Variants in IQCK observed in about 807,000 individuals in gnomAD.
IQCK encodes the protein IQ domain-containing protein K.
IQCK carries 29 observed loss-of-function variants against 28.1 expected under a neutral mutation model. That is an observed-to-expected ratio of 1.03 (90% CI 0.77 to 1.41). The LOEUF (loss-of-function observed/expected upper bound fraction) is 1.41. Among genes scored for constraint, IQCK ranks in the 40% most tolerant of loss-of-function variants. IQCK has a pLI of 0.00. For missense variants in IQCK, 359 were observed against 314.7 expected (o/e 1.14, Z -1.07); for synonymous variants, 113 against 115.1 (o/e 0.98, Z 0.12).
chr16:19,718,280 A>T, exon 1 of IQCK: 1 of 1,585,240 alleles, frequency 6.3e-7, no homozygotes, highest in South Asian at 1.1e-5. Context: ...CCTTCCGGCG[A>T]ACGCGGTTAC....
At chr16:19,777,893 A>C (rs1338599797) in intron 6 of IQCK, among the ~76,000 whole-genome samples, 1 of 152,150 alleles carries the variant, frequency 6.6e-6, no homozygotes, top group Non-Finnish European at 1.5e-5. Flanking sequence ...TCTACTAAAA[A>C]AATGCAAAAA....
chr16:19,779,022 G>A (rs2055437761), intron 6 of IQCK, among the ~76,000 whole-genome samples: 3 of 152,106 alleles, frequency 2.0e-5, no homozygotes, highest in Admixed American at 2.0e-4. Context: ...TCACTCTGTT[G>A]CCCAGGCTGG....
intron 7 of IQCK, 50 bp from the exon 8 acceptor site, chr16:19,826,976 T>C (rs1485417965): frequency 8.8e-7 from 1 of 1,132,096 alleles, no homozygotes; most frequent in Admixed American, 1.7e-5. Context: ...AATAAGCTAG[T>C]GTACAGAAGT....
chr16:19,838,332 A>G (rs1475142754), intron 9 of IQCK, among the ~76,000 whole-genome samples: 1 of 152,188 alleles, frequency 6.6e-6, no homozygotes, highest in African/African-American at 2.4e-5. Flanking sequence ...GGAGGCATGA[A>G]TTCGGTATTT....
intron 6 of IQCK, among the ~76,000 whole-genome samples, chr16:19,780,439 G>A (rs1407794882): frequency 1.3e-5 from 2 of 152,086 alleles, no homozygotes; most frequent in Non-Finnish European, 2.9e-5. Context: ...TCTAAGTGCT[G>A]GGATTACAGG....
intron 9 of IQCK, among the ~76,000 whole-genome samples, chr16:19,852,619 C>A (rs2056497687): frequency 1.5e-5 from 2 of 135,274 alleles, no homozygotes; most frequent in South Asian, 4.8e-4. Flanking sequence ...TTTCCTTCAA[C>A]TTTTTTTTTT....
chr16:19,743,170 C>CAAAT (rs137913243), intron 4 of IQCK, among the ~76,000 whole-genome samples: 24,412 of 151,556 alleles, frequency 0.16, 2,087 homozygotes, highest in South Asian at 0.26. Flanking sequence ...GATTCTGTCT[C>CAAAT]AAATAAATAA....
At chr16:19,790,330 C>T (rs755462523) in intron 7 of IQCK, among the ~76,000 whole-genome samples, 1 of 82,720 alleles carries the variant, frequency 1.2e-5, no homozygotes, top group Non-Finnish European at 1.9e-5. Context: ...TATACAACCT[C>T]TCCAATTATT....
intron 9 of IQCK, among the ~76,000 whole-genome samples, chr16:19,840,683 G>A (rs1250257967): frequency 6.6e-6 from 1 of 152,164 alleles, no homozygotes; most frequent in Non-Finnish European, 1.5e-5. Flanking sequence ...TATAGATGAA[G>A]AAACTGAGGC....
intron 4 of IQCK, chr16:19,761,343 G>T (rs1004806765): frequency 8.9e-6 from 4 of 450,562 alleles, no homozygotes; most frequent in Non-Finnish European, 1.8e-5. Flanking sequence ...GTCTCCTGCT[G>T]GTACCACCCA....
chr16:19,769,658 A>G (rs941973971), intron 6 of IQCK, among the ~76,000 whole-genome samples: 11 of 152,334 alleles, frequency 7.2e-5, no homozygotes, highest in Non-Finnish European at 1.3e-4. Context: ...AGTAAAAGAA[A>G]GAAGTTTGGG....
intron 9 of IQCK, among the ~76,000 whole-genome samples, chr16:19,839,604 T>C (rs2056341877): frequency 6.6e-6 from 1 of 152,206 alleles, no homozygotes; most frequent in South Asian, 2.1e-4. Context: ...CAGCACATGG[T>C]AGACAGTCAA....
At chr16:19,745,670 TG>T (rs1410710482) in intron 4 of IQCK, among the ~76,000 whole-genome samples, 2 of 152,194 alleles carry the variant, frequency 1.3e-5, no homozygotes, top group Non-Finnish European at 2.9e-5. Flanking sequence ...GTAAACTACC[TG>T]AAAACTTCAT....
At chr16:19,811,283 A>G (rs2055902476) in intron 7 of IQCK, among the ~76,000 whole-genome samples, 1 of 152,202 alleles carries the variant, frequency 6.6e-6, no homozygotes, top group African/African-American at 2.4e-5. Context: ...AACAACAACA[A>G]TGCATTGTAC....
chr16:19,746,469 A>G (rs1047472993), intron 4 of IQCK, among the ~76,000 whole-genome samples: 2 of 152,168 alleles, frequency 1.3e-5, no homozygotes, highest in Non-Finnish European at 2.9e-5. Context: ...ATTCATTCCT[A>G]CTGTGTCTCA....
chr16:19,841,799 T>C (rs750190630), intron 9 of IQCK, among the ~76,000 whole-genome samples: 1 of 151,956 alleles, frequency 6.6e-6, no homozygotes, highest in Non-Finnish European at 1.5e-5. Flanking sequence ...CAATGCCTCA[T>C]AAACATTAGG....
chr16:19,747,958 G>A (rs887173278), intron 4 of IQCK, among the ~76,000 whole-genome samples: 2 of 151,980 alleles, frequency 1.3e-5, no homozygotes, highest in African/African-American at 2.4e-5. Flanking sequence ...AATATGGACC[G>A]GGTCACAGAT....
At chr16:19,820,710 T>G (rs6497407) in intron 7 of IQCK, among the ~76,000 whole-genome samples, 49,417 of 150,750 alleles carry the variant, frequency 0.33, 8,571 homozygotes, top group South Asian at 0.54. Context: ...TGCATCAAAG[T>G]ACACTATTAA....
At chr16:19,734,090 T>C (rs911060428) in intron 3 of IQCK, 25 of 329,418 alleles carry the variant, frequency 7.6e-5, no homozygotes, top group Non-Finnish European at 1.2e-4. Context: ...AGTAAACACA[T>C]GTAGCCGGCT....
Sources: allele counts gnomAD v4.1 joint callset (sites outside exome capture counted in the v4.1 genomes callset), GRCh38; gene constraint gnomAD v4.1.1; transcripts MANE v1.5; gene names NCBI Gene and HGNC (gene_info 2026-07-23, HGNC 2026-07-21).